Variants in DNAAF4 observed in about 807,000 individuals in gnomAD.
DNAAF4 encodes dynein assembly factor 4, axonemal.
In DNAAF4, 43 loss-of-function variants were observed where a neutral mutation model predicts 51.8. The observed-to-expected ratio is 0.83, with a 90% CI of 0.65 to 1.07. DNAAF4 has a LOEUF of 1.07. DNAAF4 is among the 50% of genes least tolerant of loss of function. The pLI is 0.00. For missense variants in DNAAF4, 581 were observed against 493.0 expected (o/e 1.18, Z -1.69); for synonymous variants, 194 against 165.6 (o/e 1.17, Z -1.32).
At chr15:55,448,349 C>A (rs1307217160) in intron 6 of DNAAF4, among the ~76,000 whole-genome samples, 2 of 151,740 alleles carry the variant, frequency 1.3e-5, no homozygotes, top group Non-Finnish European at 2.9e-5. Context: ...CGATGTTCAT[C>A]CAGGATATTG....
rs1555418750 is a variant in DNAAF4 at position 55,473,221 on chromosome 15, A to ATATATATG, written c.406-6061_406-6060insCATATATA. On this transcript the variant is annotated intron_variant, in intron 4 of 9. Transcript: ENST00000321149. ...AAAATATATATATATATATATATAT[A>ATATATATG]TGTGTGTGTGTATATATATATATGT... 2.1e-3 allele frequency among the ~76,000 whole-genome samples: 202 copies of ATATATATG among 97,154 alleles called. 5 individuals carry two copies. The highest frequency in any genetic ancestry group is 9.6e-3 in the South Asian group (26 of 2,718). 63.7% of individuals were successfully genotyped at this position (97,154 alleles called of 152,430 possible).
intron 6 of DNAAF4, among the ~76,000 whole-genome samples, chr15:55,446,301 G>T (rs564399713): frequency 0.33 from 21,755 of 66,862 alleles, 6,892 homozygotes; most frequent in Non-Finnish European, 0.45. Context: ...CCAGACGGGG[G>T]GGGGGGGCAG....
Position 55,467,173 on chromosome 15 carries a change from G to A in DNAAF4, c.406-12C>T. On this transcript the variant is annotated splice_polypyrimidine_tract_variant and intron_variant, in intron 4 of 9. Coordinates refer to ENST00000321149, the MANE Select transcript of DNAAF4 (RefSeq NM_130810.4). ...TCTTCTTCTTCAATCTATAACAATT[G>A]CAATTACCAAATTCTTTAAAATACA... The A allele has an allele frequency of 6.7e-7, 1 of 1,498,114 alleles. No individual in the cohort carries two copies. The highest frequency in any genetic ancestry group is 9.0e-7 in the Non-Finnish European group (1 of 1,113,770). 92.8% of individuals were successfully genotyped at this position (1,498,114 alleles called of 1,614,324 possible).
chr15:55,501,633 C>G (rs567435794), intron 1 of DNAAF4, among the ~76,000 whole-genome samples: 1 of 151,868 alleles, frequency 6.6e-6, no homozygotes, highest in South Asian at 2.1e-4. Context: ...CCTCGGCCTC[C>G]CAAAGTGCCG....
rs1430487867 is a variant in DNAAF4 at position 55,498,504 on chromosome 15, C to T, written c.-175G>A. ...CGGACTCCATGCGTGACTATCCAGG[C>T]GCCCAGACCAGAGAGTGATGCCGAT... On this transcript the variant is annotated 5_prime_UTR_variant, in exon 2 of 10. Coordinates refer to ENST00000321149, the MANE Select transcript of DNAAF4 (RefSeq NM_130810.4). The T allele has an allele frequency of 3.6e-6, 3 of 838,050 alleles. No individual in the cohort carries two copies. Among genetic ancestry groups the T allele is most frequent in the African/African-American group, 1.8e-5 (1 of 56,228 alleles). The allele number at this position is 838,050 out of a possible 1,614,324, so 51.9% of individuals were successfully genotyped here.
At position 55,474,021 on chromosome 15, in the gene DNAAF4, T is replaced by C. The variant is rs1046412002; in HGVS notation, c.406-6860A>G. On this transcript the variant is annotated intron_variant, in intron 4 of 9. Coordinates refer to ENST00000321149, the MANE Select transcript of DNAAF4 (RefSeq NM_130810.4). ...AAATAAAAATAAAAAATAAAAGAAA[T>C]ATTAGAAATATTTCCAGCAAAATCA... 2.0e-5 allele frequency among the ~76,000 whole-genome samples: 3 copies of C among 151,774 alleles called. 1 individual carries two copies. The highest frequency in any genetic ancestry group is 4.4e-5 in the Non-Finnish European group (3 of 67,942).
chr15:55,433,855 T>TAC (rs2141405587), intron 8 of DNAAF4, among the ~76,000 whole-genome samples: 2 of 62,222 alleles, frequency 3.2e-5, no homozygotes, highest in Admixed American at 2.8e-4. Context: ...TTATATATAT[T>TAC]ATAATATATA....
intron 1 of DNAAF4, 87 bp from the exon 2 acceptor site, chr15:55,498,671 C>G (rs2058673060): frequency 5.3e-6 from 1 of 188,538 alleles, no homozygotes; most frequent in Admixed American, 6.3e-5. Flanking sequence ...TTTGGGAGGC[C>G]GAGGCGGGCG....
intron 3 of DNAAF4, among the ~76,000 whole-genome samples, chr15:55,492,373 C>T (rs2058586893): frequency 6.6e-6 from 1 of 151,552 alleles, no homozygotes; most frequent in Non-Finnish European, 1.5e-5. Flanking sequence ...TGAATCATAC[C>T]CCAGGCATGG....
chr15:55,487,325 A>T (rs1213470242), intron 4 of DNAAF4, among the ~76,000 whole-genome samples: 1 of 152,190 alleles, frequency 6.6e-6, no homozygotes, highest in Non-Finnish European at 1.5e-5. Context: ...CATTCTGGAA[A>T]AATGCACCAA....
intron 6 of DNAAF4, among the ~76,000 whole-genome samples, chr15:55,445,032 C>CTT (rs35988188): frequency 0.011 from 1,213 of 109,000 alleles, 10 homozygotes; most frequent in African/African-American, 0.023. Flanking sequence ...ATTGAATACC[C>CTT]TTTTTTTTTT....
intron 5 of DNAAF4, among the ~76,000 whole-genome samples, chr15:55,464,826 A>G (rs2058145014): frequency 6.6e-6 from 1 of 152,110 alleles, no homozygotes; most frequent in Non-Finnish European, 1.5e-5. Flanking sequence ...ATGGTGGTAC[A>G]TGCCTGTAAT....
At chr15:55,487,984 A>T (rs2058516132) in intron 4 of DNAAF4, among the ~76,000 whole-genome samples, 2 of 152,136 alleles carry the variant, frequency 1.3e-5, no homozygotes. Context: ...CTTTAAAAGC[A>T]CTTCTGCAAT....
chr15:55,427,045 G>C (rs939387235), downstream of DNAAF4, among the ~76,000 whole-genome samples: 45 of 151,860 alleles, frequency 3.0e-4, no homozygotes, highest in Middle Eastern at 3.4e-3. Context: ...CTGTGCAGAA[G>C]ACCAGAGTTT....
intron 5 of DNAAF4, among the ~76,000 whole-genome samples, chr15:55,456,926 G>A (rs1032127393): frequency 6.6e-6 from 1 of 152,200 alleles, no homozygotes; most frequent in African/African-American, 2.4e-5. Flanking sequence ...CCTTGGAGAC[G>A]GGAAGGCAGC....
chr15:55,424,857 G>A (rs1032040904), intron 7 of DNAAF4, among the ~76,000 whole-genome samples: 8 of 148,638 alleles, frequency 5.4e-5, no homozygotes, highest in African/African-American at 1.7e-4. Context: ...CCCCGTGCCC[G>A]GCTGTACCTT....
At chr15:55,423,678 C>T (rs1000890237) in intron 7 of DNAAF4, among the ~76,000 whole-genome samples, 1 of 152,162 alleles carries the variant, frequency 6.6e-6, no homozygotes, top group Non-Finnish European at 1.5e-5. Flanking sequence ...GTAAAGCCAG[C>T]GCGGTGGCTC....
intron 8 of DNAAF4, among the ~76,000 whole-genome samples, chr15:55,433,995 AATATT>A (rs1428881166): frequency 2.1e-4 from 7 of 33,306 alleles, no homozygotes; most frequent in Non-Finnish European, 3.1e-4. Flanking sequence ...TAATATATAT[AATATT>A]ATATATATTA....
intron 4 of DNAAF4, among the ~76,000 whole-genome samples, chr15:55,477,035 G>C (rs898278140): frequency 4.6e-5 from 7 of 152,086 alleles, no homozygotes; most frequent in Non-Finnish European, 8.8e-5. Flanking sequence ...AGCCGGGCGT[G>C]GTGGCATACG....
Sources: gnomAD v4.1 joint callset for allele counts (sites outside exome capture counted in the v4.1 genomes callset) on GRCh38, gnomAD v4.1.1 for gene constraint, MANE v1.5 for transcripts, NCBI Gene and HGNC (gene_info 2026-07-23, HGNC 2026-07-21) for gene names.